CFAP206: variants seen among roughly 807,000 people sequenced by gnomAD.
CFAP206 encodes cilia- and flagella-associated protein 206.
Under a neutral mutation model 65.4 loss-of-function variants are expected in CFAP206, and 53 were observed. The ratio of observed to expected loss-of-function variants is 0.81; its 90% CI spans 0.65 to 1.02. The LOEUF (loss-of-function observed/expected upper bound fraction) is 1.02, where lower values mean the gene tolerates loss of function less well. Ranked by LOEUF, CFAP206 falls within the 50% of genes least tolerant of loss-of-function variation. The pLI is 0.00. For missense variants in CFAP206, 663 were observed against 753.2 expected (o/e 0.88, Z 1.40); for synonymous variants, 250 against 254.4 (o/e 0.98, Z 0.17).
At chr6:87,436,616 T>G (rs1768273070) in intron 11 of CFAP206, 1 of 152,330 alleles carries the variant, frequency 6.6e-6, no homozygotes, top group Non-Finnish European at 1.5e-5. Context: ...GACAGCTCAG[T>G]TGGTGCTGCT....
At chr6:87,441,871 C>T (rs773623140) in intron 11 of CFAP206, 1 of 295,050 alleles carries the variant, frequency 3.4e-6, no homozygotes, top group Non-Finnish European at 6.7e-6. Context: ...CAAACTTCAA[C>T]AGGGGAACCA....
At chr6:87,425,458 A>G (rs182484964) in intron 7 of CFAP206, among the ~76,000 whole-genome samples, 2 of 152,362 alleles carry the variant, frequency 1.3e-5, no homozygotes, top group Admixed American at 6.5e-5. Flanking sequence ...ATAGCTTACA[A>G]TGGCACAAAT....
chr6:87,438,769 A>G (rs1768316526), intron 11 of CFAP206, among the ~76,000 whole-genome samples: 1 of 152,186 alleles, frequency 6.6e-6, no homozygotes, highest in Admixed American at 6.6e-5. Context: ...TTACATTGAG[A>G]TCTTTAGTCT....
In CFAP206 at chr6:87,412,713, C is replaced by T. The variant is rs114147601; in HGVS notation, c.193-1097C>T. Among the ~76,000 whole-genome samples, 818 of 151,924 alleles carry T rather than the reference C, an allele frequency of 5.4e-3. 3 individuals carry two copies. The highest frequency in any genetic ancestry group is 0.019 in the African/African-American group (783 of 41,428). On this transcript the variant is annotated intron_variant, in intron 3 of 12. Coordinates refer to ENST00000369562, the MANE Select transcript of CFAP206 (RefSeq NM_001031743.3). ...TCGCTCTGTCCCCCAAGCTGGGGTG[C>T]GGTGGCATGATCTTGGCTCATTGCC... is the stretch of plus-strand genomic sequence containing the variant.
At chr6:87,458,860 C>G (rs1297910655) in intron 11 of CFAP206, among the ~76,000 whole-genome samples, 2 of 152,028 alleles carry the variant, frequency 1.3e-5, no homozygotes. Context: ...AGGTGATGGA[C>G]ACCCCATTTA....
At chr6:87,451,992 T>C (rs1343824259) in intron 11 of CFAP206, among the ~76,000 whole-genome samples, 1 of 151,106 alleles carries the variant, frequency 6.6e-6, no homozygotes, top group East Asian at 2.0e-4. Flanking sequence ...AGCCAGAAAA[T>C]AGTTGCCACA....
Position 87,464,003 on chromosome 6 carries a change from A to G in CFAP206, c.1639-17A>G. On this transcript the variant is annotated splice_polypyrimidine_tract_variant and intron_variant, in intron 12 of 12. Coordinates refer to ENST00000369562, the MANE Select transcript of CFAP206 (RefSeq NM_001031743.3). ...TCTTTAGAGAAATGTTAATTCCTGT[A>G]TTCTCTTTCTCTTTAGGCTAATTTG... is the stretch of plus-strand genomic sequence containing the variant. The G allele has an allele frequency of 6.3e-7, 1 of 1,579,892 alleles. No individual in the cohort carries two copies. Among genetic ancestry groups the G allele is most frequent in the Non-Finnish European group, 8.7e-7 (1 of 1,151,514 alleles).
chr6:87,421,398 A>C (rs188039482), intron 7 of CFAP206, among the ~76,000 whole-genome samples: 6 of 152,288 alleles, frequency 3.9e-5, no homozygotes, highest in Admixed American at 3.9e-4. Flanking sequence ...AGGCAGGAGA[A>C]TCGCTTGAAC....
chr6:87,449,436 CAAAAAAAAAAA>C (rs34540279), intron 11 of CFAP206, among the ~76,000 whole-genome samples: 7 of 53,060 alleles, frequency 1.3e-4, no homozygotes, highest in African/African-American at 4.4e-4. Flanking sequence ...GACTCCATCT[CAAAAAAAAAAA>C]AAAAAAAAAA....
intron 11 of CFAP206, among the ~76,000 whole-genome samples, chr6:87,456,502 T>C (rs1768645016): frequency 6.6e-6 from 1 of 152,186 alleles, no homozygotes; most frequent in South Asian, 2.1e-4. Context: ...TTTAACATAG[T>C]ACTGGAATTC....
At position 87,420,767 on chromosome 6, in the gene CFAP206, A is replaced by G. The variant is rs116820818; in HGVS notation, c.840+2351A>G. On this transcript the variant is annotated intron_variant, in intron 7 of 12. Coordinates refer to ENST00000369562, the MANE Select transcript of CFAP206 (RefSeq NM_001031743.3). ...AAGAGCTTTTATTTTTCCATACAGT[A>G]TCTCATTTCCAAGCTCCTTGCTGCT... is the stretch of plus-strand genomic sequence containing the variant. 3.0e-3 allele frequency among the ~76,000 whole-genome samples: 456 copies of G among 152,274 alleles called. 1 individual carries two copies. The highest frequency in any genetic ancestry group is 0.011 in the African/African-American group (441 of 41,562).
chr6:87,435,133 C>T, intron 11 of CFAP206, 80 bp downstream of exon 11: 1 of 1,039,084 alleles, frequency 9.6e-7, no homozygotes, highest in East Asian at 2.5e-5. Flanking sequence ...TTGTAGAATG[C>T]TTCCCAGGTC....
chr6:87,423,384 G>T (rs1767982467), intron 7 of CFAP206, among the ~76,000 whole-genome samples: 1 of 151,916 alleles, frequency 6.6e-6, no homozygotes, highest in South Asian at 2.1e-4. Context: ...GAGTAGCTGG[G>T]ACTACAGGCG....
chr6:87,435,036 T>C lies in CFAP206; in HGVS notation c.1477T>C (p.Phe493Leu). 6.3e-7 allele frequency: 1 copy of C among 1,598,098 alleles called. No homozygotes were observed. Among genetic ancestry groups the C allele is most frequent in the Non-Finnish European group, 8.5e-7 (1 of 1,173,032 alleles). The change falls in exon 11 of 13, where the codon TTT (phenylalanine) becomes CTT (leucine). Residue 493 changes from phenylalanine (F) to leucine (L), a missense_variant. Coordinates refer to ENST00000369562, the MANE Select transcript of CFAP206 (RefSeq NM_001031743.3). ...GGAACTTCATCAACAGTTTGAAACA[T>C]TTATTCCATATTCTCAGGTAAGCAG... is the stretch of plus-strand genomic sequence containing the variant. Reference protein sequence around the residue: ...LLELHQQFETFIPYSQMRDAD... With the variant: ...LLELHQQFETLIPYSQMRDAD...
intron 10 of CFAP206, among the ~76,000 whole-genome samples, chr6:87,431,754 G>C (rs192308886): frequency 9.2e-5 from 14 of 152,254 alleles, no homozygotes; most frequent in Non-Finnish European, 1.9e-4. Context: ...AACAAAGTGA[G>C]ACTGTCTCAA....
In CFAP206 at chr6:87,408,586, AGCGC is replaced by A. The variant is rs1188049650; in HGVS notation, c.-6+500_-6+503del. On this transcript the variant is annotated intron_variant, in intron 1 of 12. Transcript: ENST00000369562. The stretch of plus-strand genomic sequence containing the variant: ...ATCCGGAGCGCGCACACAGATCCGG[AGCGC>A]GCACACAGATCCGGAGCGCGACGGA... The A allele has an allele frequency of 3.6e-4, 26 of 72,600 alleles. 3 individuals are homozygous for A. The highest frequency in any genetic ancestry group is 6.8e-4 in the Non-Finnish European group (23 of 33,982). The allele number at this position is 72,600 out of a possible 1,614,324, so 4.5% of individuals were successfully genotyped here.
chr6:87,425,410 A>G (rs1437602745), intron 7 of CFAP206, among the ~76,000 whole-genome samples: 1 of 152,224 alleles, frequency 6.6e-6, no homozygotes, highest in East Asian at 1.9e-4. Context: ...ATAAAGTCAA[A>G]TATATCTTTT....
intron 1 of CFAP206, among the ~76,000 whole-genome samples, 183 bp downstream of exon 1, chr6:87,408,272 C>G (rs1020949100): frequency 3.9e-5 from 6 of 152,216 alleles, no homozygotes; most frequent in Non-Finnish European, 8.8e-5. Flanking sequence ...CCATTCCTGC[C>G]GGAGGCGCCA....
chr6:87,463,331 G>A (rs1025943276), intron 12 of CFAP206, among the ~76,000 whole-genome samples: 4 of 152,150 alleles, frequency 2.6e-5, no homozygotes, highest in African/African-American at 9.7e-5. Context: ...GAGTAGTTTC[G>A]GTTCTCAGTC....
Sources: allele counts gnomAD v4.1 joint callset (sites outside exome capture counted in the v4.1 genomes callset), GRCh38; gene constraint gnomAD v4.1.1; transcripts MANE v1.5; gene names NCBI Gene and HGNC (gene_info 2026-07-23, HGNC 2026-07-21).